Variants in MSANTD2 observed in about 807,000 individuals in gnomAD.
MSANTD2 encodes the protein myb/SANT-like DNA-binding domain-containing protein 2.
In MSANTD2, 19 loss-of-function variants were observed where a neutral mutation model predicts 52.6. The observed-to-expected ratio is 0.36, with a 90% CI of 0.25 to 0.53. MSANTD2 has a LOEUF of 0.53. MSANTD2 is among the 20% of genes least tolerant of loss of function. The pLI, the probability that MSANTD2 is intolerant of heterozygous loss-of-function variation, is 0.91. For missense variants in MSANTD2, 558 were observed against 716.3 expected, an observed-to-expected ratio of 0.78 and a Z score of 2.52; for synonymous variants, 291 against 289.7, an observed-to-expected ratio of 1.00 and a Z score of -0.04.
chr11:124,772,294 T>C (rs963820152), intron 3 of MSANTD2, among the ~76,000 whole-genome samples: 2 of 152,228 alleles, frequency 1.3e-5, no homozygotes, highest in Non-Finnish European at 2.9e-5. Context: ...CTCATCTTTG[T>C]GCCTTAATTA....
intron 1 of MSANTD2, 65 bp downstream of exon 1, chr11:124,799,806 C>G (rs565238421): frequency 1.5e-6 from 2 of 1,303,772 alleles, no homozygotes; most frequent in South Asian, 1.4e-5. Flanking sequence ...CCCCCGCCCC[C>G]GAGGCCCGCT....
At chr11:124,775,354 G>C (rs1388234618) in intron 1 of MSANTD2, 1 of 163,640 alleles carries the variant, frequency 6.1e-6, no homozygotes, top group Non-Finnish European at 1.3e-5. Flanking sequence ...GAGAGCTGCT[G>C]TTGTGCCCAG....
At position 124,774,596 on chromosome 11, in the gene MSANTD2, C is replaced by T. The variant is rs1433257046; in HGVS notation, c.766+123G>A. On this transcript the variant is annotated intron_variant, in intron 2 of 3. Coordinates refer to ENST00000374979, the MANE Select transcript of MSANTD2 (RefSeq NM_001308027.2). The surrounding 1 kb of genome is among the most constrained non-coding windows in gnomAD (Gnocchi z 5.1). ...ATACAAGGCAGAGATGCCCTTTATG[C>T]CTTATGCTGACCACTATAGGGAACA... is the stretch of plus-strand genomic sequence containing the variant. The T allele has an allele frequency of 7.2e-6, 7 of 975,218 alleles. No homozygotes were observed. In the East Asian group the frequency reaches 1.7e-4, roughly 23 times the overall value. The allele number at this position is 975,218 out of a possible 1,614,324, so 60.4% of individuals were successfully genotyped here.
At chr11:124,795,424 G>C (rs1449243631) in intron 1 of MSANTD2, among the ~76,000 whole-genome samples, 1 of 152,190 alleles carries the variant, frequency 6.6e-6, no homozygotes, top group Admixed American at 6.5e-5. Context: ...TGCAGCATCT[G>C]GCTCAGAGTG....
chr11:124,774,604 T>A lies in MSANTD2; in HGVS notation c.766+115A>T. On this transcript the variant is annotated intron_variant, in intron 2 of 3. Transcript: ENST00000374979. The surrounding 1 kb of genome is among the most constrained non-coding windows in gnomAD (Gnocchi z 5.1). ...CAGAGATGCCCTTTATGCCTTATGCTGACCACTATAGGGAACAGTACCAAA... is the reference window on the plus strand; with the variant it reads ...CAGAGATGCCCTTTATGCCTTATGCAGACCACTATAGGGAACAGTACCAAA... The A allele has an allele frequency of 9.3e-7, 1 of 1,072,736 alleles. No individual in the cohort carries two copies. The highest frequency in any genetic ancestry group is 1.4e-6 in the Non-Finnish European group (1 of 735,712). 66.5% of individuals were successfully genotyped at this position (1,072,736 alleles called of 1,614,324 possible).
intron 1 of MSANTD2, among the ~76,000 whole-genome samples, chr11:124,799,568 G>C (rs1216276724): frequency 6.6e-6 from 1 of 152,176 alleles, no homozygotes; most frequent in East Asian, 1.9e-4. Flanking sequence ...CCAGCGGCAC[G>C]GGGACTGCCG....
At chr11:124,799,455 C>T (rs540595183) in intron 1 of MSANTD2, among the ~76,000 whole-genome samples, 2 of 152,228 alleles carry the variant, frequency 1.3e-5, no homozygotes, top group African/African-American at 2.4e-5. Flanking sequence ...CAATGCCCCC[C>T]CCTTCTGCCC....
intron 1 of MSANTD2, among the ~76,000 whole-genome samples, chr11:124,780,054 A>G (rs1242567476): frequency 6.6e-6 from 1 of 152,210 alleles, no homozygotes. Context: ...GAGGCAACGA[A>G]ACACCATTTA....
intron 1 of MSANTD2, chr11:124,791,263 TC>T: frequency 6.9e-7 from 1 of 1,449,708 alleles, no homozygotes; most frequent in Non-Finnish European, 9.7e-7. Context: ...ACCTGGAGTA[TC>T]CTTGGTCTAC....
intron 1 of MSANTD2, chr11:124,791,013 T>C: frequency 2.3e-6 from 1 of 437,640 alleles, no homozygotes; most frequent in Admixed American, 3.5e-5. Context: ...GGCCCATTAG[T>C]GGGTTGTACA....
intron 3 of MSANTD2, among the ~76,000 whole-genome samples, chr11:124,770,110 G>A (rs148351668): frequency 6.6e-6 from 1 of 152,250 alleles, no homozygotes; most frequent in East Asian, 1.9e-4. Flanking sequence ...CCAATCACCA[G>A]AAAAGTTTAA....
intron 1 of MSANTD2, chr11:124,784,224 T>A: frequency 1.0e-6 from 1 of 985,390 alleles, no homozygotes; most frequent in Non-Finnish European, 1.2e-6. Flanking sequence ...TTTGACCTCC[T>A]ACATCACCTC....
In MSANTD2 at chr11:124,767,785, C is replaced by T; in HGVS notation, c.1071G>A (p.Arg357=). The part of the protein sequence containing the change: ...EYFNSEKPEG[R]IIMTRVQKMN... ...TTTTCTGCACTCGGGTCATAATGATCCGTCCTTCAGGCTTCTCAGAGTTGA... is the reference window on the plus strand; with the variant it reads ...TTTTCTGCACTCGGGTCATAATGATTCGTCCTTCAGGCTTCTCAGAGTTGA... The change falls in exon 4 of 4, where the codon CGG becomes CGA. Residue 357 remains arginine (R), a synonymous_variant. Coordinates refer to ENST00000374979, the MANE Select transcript of MSANTD2 (RefSeq NM_001308027.2). The surrounding 1 kb of genome is among the most constrained non-coding windows in gnomAD (Gnocchi z 6.5). 6.2e-7 allele frequency: 1 copy of T among 1,614,228 alleles called. No homozygotes were observed. Among genetic ancestry groups the T allele is most frequent in the Non-Finnish European group, 8.5e-7 (1 of 1,180,038 alleles).
rs1945640685 is a variant in MSANTD2, at chr11:124,800,023, G to T, written c.358C>A (p.Arg120=). ...TGCTGGTACCGCGCCTCCACCAGCC[G>T]CTCGTTGCCCCACACTGCGATGAGC... ...NALIAVWGNE[R]LVEARYQQLE... is the part of the protein sequence containing the mutation. The change falls in exon 1 of 4, where the codon CGG becomes AGG. Residue 120 remains arginine, a synonymous_variant. Coordinates refer to ENST00000374979, the MANE Select transcript of MSANTD2 (RefSeq NM_001308027.2). This position sits in a 1 kb window ranked among gnomAD's most constrained non-coding sequence, Gnocchi z 4.3. 5.7e-6 allele frequency: 9 copies of T among 1,582,860 alleles called. No homozygotes were observed. Among genetic ancestry groups the T allele is most frequent in the Non-Finnish European group, 7.7e-6 (9 of 1,173,806 alleles).
chr11:124,784,422 C>G, intron 1 of MSANTD2: 1 of 985,388 alleles, frequency 1.0e-6, no homozygotes, highest in Non-Finnish European at 1.2e-6. Flanking sequence ...CGTTAAAGTA[C>G]TCCCAAACAC....
rs753485901 is a variant in MSANTD2 at position 124,767,773 on chromosome 11, G to A, written c.1083C>T (p.Thr361=). 6.2e-7 allele frequency: 1 copy of A among 1,614,168 alleles called. No homozygotes were observed. Among genetic ancestry groups the A allele is most frequent in the Non-Finnish European group, 8.5e-7 (1 of 1,180,030 alleles). The change falls in exon 4 of 4, where the codon ACC becomes ACT. Residue 361 remains threonine, a synonymous_variant. Coordinates refer to ENST00000374979, the MANE Select transcript of MSANTD2 (RefSeq NM_001308027.2). The surrounding 1 kb of genome is among the most constrained non-coding windows in gnomAD (Gnocchi z 6.5). ...TTTTCCAGTTCATTTTCTGCACTCG[G>A]GTCATAATGATCCGTCCTTCAGGCT... The part of the protein sequence containing the change: ...SEKPEGRIIM[T]RVQKMNWKNV...
At chr11:124,775,210 G>T (rs1338731812) in intron 1 of MSANTD2, 4 of 440,568 alleles carry the variant, frequency 9.1e-6, no homozygotes, top group Non-Finnish European at 1.6e-5. Context: ...TAAACAACAA[G>T]AAACATTACA....
chr11:124,778,587 T>C (rs1032553705), intron 1 of MSANTD2, among the ~76,000 whole-genome samples: 2 of 152,104 alleles, frequency 1.3e-5, no homozygotes, highest in Non-Finnish European at 2.9e-5. Flanking sequence ...ACTTGATCGG[T>C]GGTCAACCCA....
chr11:124,767,553 G>C lies in MSANTD2; in HGVS notation c.1303C>G (p.Leu435Val). 4 of 1,614,160 alleles carry C rather than the reference G, an allele frequency of 2.5e-6. No individual in the cohort carries two copies. Among genetic ancestry groups the C allele is most frequent in the Non-Finnish European group, 3.4e-6 (4 of 1,180,008 alleles). Residue 435 changes from leucine (L) to valine (V), a missense_variant, in exon 4 of 4, where the codon CTC becomes GTC. Physicochemically the swap from Leu to Val is conservative, Grantham distance 32. Around this residue, in one of 2 missense-constraint regions of MSANTD2, gnomAD observed 408 missense variants for 573.6 expected, o/e 0.71. Transcript: ENST00000374979. The surrounding 1 kb of genome is among the most constrained non-coding windows in gnomAD (Gnocchi z 6.5). ...GAACTTTGCTCCATGTGTGGTGAGAGGGGCCTCTCAATACATTCTTCATAG... is the reference window on the plus strand; with the variant it reads ...GAACTTTGCTCCATGTGTGGTGAGACGGGCCTCTCAATACATTCTTCATAG... ...IGYEECIERP[L>V]SPHMEQSSLD...
Sources: allele counts gnomAD v4.1 joint callset (sites outside exome capture counted in the v4.1 genomes callset), GRCh38; gene constraint gnomAD v4.1.1; regional missense constraint gnomAD v4.1.1; non-coding constraint Gnocchi (gnomAD v3.1); transcripts MANE v1.5; gene names NCBI Gene and HGNC (gene_info 2026-07-23, HGNC 2026-07-21).